Variants in BCL9 observed in about 807,000 individuals in gnomAD.
BCL9 encodes B-cell CLL/lymphoma 9 protein.
A neutral mutation model predicts 88.5 loss-of-function variants in BCL9; 25 were observed. The observed-to-expected ratio is 0.28, with a 90% CI of 0.21 to 0.39. The LOEUF (loss-of-function observed/expected upper bound fraction) is 0.39. Among genes scored for constraint, BCL9 ranks in the 10% least tolerant of loss-of-function variants. The pLI is 1.00. For synonymous variants in BCL9, 711 were observed against 673.3 expected, an observed-to-expected ratio of 1.06 and a Z score of -0.87; for missense variants, 1,817 against 1,877.8, an observed-to-expected ratio of 0.97 and a Z score of 0.60.
In BCL9 at chr1:147,623,782, A is replaced by G. The variant is rs1369785288; in HGVS notation, c.3164-60A>G. ...ACAATAGTTTTTTTGTTAATTTATT[A>G]TAGTTTTTCTGAGTTGATTTTTGGT... On this transcript the variant is annotated intron_variant, in intron 9 of 9. Transcript: ENST00000234739. The G allele has an allele frequency of 2.4e-5, 36 of 1,520,092 alleles. No homozygotes were observed. In the Middle Eastern group the frequency reaches 3.0e-3, roughly 126 times the overall value. The allele number at this position is 1,520,092 out of a possible 1,614,324, so 94.2% of individuals were successfully genotyped here.
At position 147,624,746 on chromosome 1, in the gene BCL9, C is replaced by T. The variant is rs1171483696; in HGVS notation, c.4068C>T (p.Gly1356=). 2 of 1,614,038 alleles carry T rather than the reference C, an allele frequency of 1.2e-6. No homozygotes were observed. Among genetic ancestry groups the T allele is most frequent in the Non-Finnish European group, 1.7e-6 (2 of 1,180,014 alleles). ...TLMSNPAAAV[G]MIPGKDRGPA... ...TGAGCAATCCAGCTGCTGCCGTGGG[C>T]ATGATTCCTGGCAAGGATCGGGGGC... Residue 1356 remains glycine, a synonymous_variant, in exon 10 of 10, where the codon GGC becomes GGT. Transcript: ENST00000234739. The surrounding 1 kb of genome is among the most constrained non-coding windows in gnomAD (Gnocchi z 4.4).
chr1:147,614,294 T>C, intron 5 of BCL9, 133 bp from the exon 6 acceptor site: 1 of 802,910 alleles, frequency 1.2e-6, no homozygotes, highest in Non-Finnish European at 1.9e-6. Context: ...ATTTTATAAG[T>C]AGAAGAGGTT....
intron 1 of BCL9, among the ~76,000 whole-genome samples, chr1:147,552,583 G>C (rs1342462656): frequency 6.6e-6 from 1 of 152,148 alleles, no homozygotes; most frequent in Non-Finnish European, 1.5e-5. Flanking sequence ...TCCAGCCTGG[G>C]CAAAAAGAGT....
chr1:147,589,348 A>G (rs1213390562), intron 1 of BCL9, among the ~76,000 whole-genome samples: 1 of 152,200 alleles, frequency 6.6e-6, no homozygotes, highest in Non-Finnish European at 1.5e-5. Flanking sequence ...ATTGAGGTAT[A>G]ATTTACAAAC....
intron 1 of BCL9, among the ~76,000 whole-genome samples, chr1:147,602,140 A>G (rs191035787): frequency 3.2e-4 from 48 of 150,710 alleles, no homozygotes; most frequent in Admixed American, 8.6e-4. Flanking sequence ...ACTTCTGGTG[A>G]TCCACCCACC....
intron 1 of BCL9, among the ~76,000 whole-genome samples, chr1:147,559,058 T>C (rs947173345): frequency 6.6e-6 from 1 of 152,170 alleles, no homozygotes; most frequent in African/African-American, 2.4e-5. Flanking sequence ...AAATTATTTC[T>C]GCTTTTATCA....
chr1:147,554,240 G>C (rs1655008975), intron 1 of BCL9, among the ~76,000 whole-genome samples: 1 of 152,048 alleles, frequency 6.6e-6, no homozygotes, highest in Non-Finnish European at 1.5e-5. Flanking sequence ...ATCAGCATTG[G>C]GTCCTTTCAT....
intron 1 of BCL9, among the ~76,000 whole-genome samples, chr1:147,545,876 G>C (rs781956451): frequency 5.9e-5 from 9 of 152,088 alleles, no homozygotes; most frequent in Non-Finnish European, 1.2e-4. Flanking sequence ...TGTTATATTT[G>C]AGTAAGGTTA....
intron 1 of BCL9, among the ~76,000 whole-genome samples, chr1:147,565,905 A>G (rs587689180): frequency 6.2e-4 from 94 of 152,234 alleles, no homozygotes; most frequent in African/African-American, 2.2e-3. Context: ...TTTCACCCCC[A>G]TCCTCTTACC....
intron 1 of BCL9, among the ~76,000 whole-genome samples, chr1:147,576,408 G>A (rs1656114897): frequency 6.6e-6 from 1 of 152,140 alleles, no homozygotes; most frequent in South Asian, 2.1e-4. Flanking sequence ...AAACACCGGA[G>A]TGCACACTGA....
chr1:147,594,308 T>C (rs1254247799), intron 1 of BCL9, among the ~76,000 whole-genome samples: 4 of 152,194 alleles, frequency 2.6e-5, no homozygotes, highest in African/African-American at 9.7e-5. Flanking sequence ...AAGGAGGAAT[T>C]TGTGGACACT....
chr1:147,599,579 G>A (rs987926276), intron 1 of BCL9, among the ~76,000 whole-genome samples: 3 of 152,050 alleles, frequency 2.0e-5, no homozygotes, highest in Admixed American at 6.5e-5. Context: ...ACGGGAAGAG[G>A]AGACCCTCCC....
At chr1:147,569,366 C>T (rs782375766) in intron 1 of BCL9, among the ~76,000 whole-genome samples, 6 of 151,590 alleles carry the variant, frequency 4.0e-5, no homozygotes, top group Admixed American at 6.6e-5. Context: ...ACTATACCCA[C>T]GCCTGTAATC....
rs894245859 is a variant in BCL9, at chr1:147,558,357, A to G, written c.-478+16683A>G. ...ATAAATAAATGCATGGTATCCCCCT[A>G]AAAGCACTTATCTTTGGACTTCTCT... is the stretch of plus-strand genomic sequence containing the variant. On this transcript the variant is annotated intron_variant, in intron 1 of 9. Coordinates refer to ENST00000234739, the MANE Select transcript of BCL9 (RefSeq NM_004326.4). Among the ~76,000 whole-genome samples the G allele has an allele frequency of 4.6e-5, 7 of 152,262 alleles. 1 individual carries two copies. The South Asian group carries it at 1.5e-3, about 32-fold the overall frequency.
intron 1 of BCL9, among the ~76,000 whole-genome samples, chr1:147,601,058 C>T (rs978260530): frequency 2.0e-5 from 3 of 151,990 alleles, no homozygotes; most frequent in African/African-American, 7.2e-5. Flanking sequence ...GAGGGAGGGG[C>T]CAGAGGCCTG....
intron 1 of BCL9, among the ~76,000 whole-genome samples, chr1:147,560,056 G>T (rs587627492): frequency 6.6e-6 from 1 of 152,162 alleles, no homozygotes; most frequent in African/African-American, 2.4e-5. Flanking sequence ...ACAGACTGTT[G>T]TAAAGTTAAA....
chr1:147,619,455 G>A lies in BCL9; in HGVS notation c.1300G>A (p.Gly434Arg), dbSNP rs781854101. 6.2e-7 allele frequency: 1 copy of A among 1,614,104 alleles called. No homozygotes were observed. The highest frequency in any genetic ancestry group is 1.3e-5 in the African/African-American group (1 of 75,032). ...TDVGAPFGPQ[G>R]HRDVPFSPDE... ...CGTGGGAGCTCCATTTGGCCCTCAA[G>A]GACATAGAGATGTACCCTTTTCTCC... Residue 434 changes from glycine to arginine, a missense_variant, in exon 8 of 10, where the codon GGA becomes AGA. Around this residue, in one of 2 missense-constraint regions of BCL9, gnomAD observed 1,228 missense variants for 1,191.6 expected, o/e 1.03. Transcript: ENST00000234739. The surrounding 1 kb of genome is among the most constrained non-coding windows in gnomAD (Gnocchi z 4.1).
At chr1:147,573,959 T>C (rs1332249230) in intron 1 of BCL9, among the ~76,000 whole-genome samples, 1 of 151,960 alleles carries the variant, frequency 6.6e-6, no homozygotes, top group African/African-American at 2.4e-5. Flanking sequence ...TATGGTGCCT[T>C]GAAGGGAAAA....
intron 1 of BCL9, among the ~76,000 whole-genome samples, chr1:147,579,180 A>G (rs1044170309): frequency 2.6e-5 from 4 of 152,150 alleles, no homozygotes; most frequent in African/African-American, 9.7e-5. Context: ...CTTGGTTTTC[A>G]TCTTTCCTAA....
Sources: allele counts gnomAD v4.1 joint callset (sites outside exome capture counted in the v4.1 genomes callset), GRCh38; gene constraint gnomAD v4.1.1; regional missense constraint gnomAD v4.1.1; non-coding constraint Gnocchi (gnomAD v3.1); transcripts MANE v1.5; gene names NCBI Gene and HGNC (gene_info 2026-07-23, HGNC 2026-07-21).